GALNT10: variants seen among roughly 807,000 people sequenced by gnomAD.
GALNT10 encodes polypeptide N-acetylgalactosaminyltransferase 10, also known as GalNAc transferase 10.
GALNT10 carries 41 observed loss-of-function variants against 75.0 expected under a neutral mutation model. That is an observed-to-expected ratio of 0.55 (90% CI 0.43 to 0.71). The LOEUF (loss-of-function observed/expected upper bound fraction) is 0.71. Among genes scored for constraint, GALNT10 ranks in the 30% least tolerant of loss-of-function variants. GALNT10 has a pLI of 0.00. For synonymous variants in GALNT10, 302 were observed against 313.0 expected, an observed-to-expected ratio of 0.96 and a Z score of 0.37; for missense variants, 727 against 818.5, an observed-to-expected ratio of 0.89 and a Z score of 1.36.
chr5:154,251,772 GA>G (rs1342878715), intron 1 of GALNT10, among the ~76,000 whole-genome samples: 5 of 152,108 alleles, frequency 3.3e-5, no homozygotes, highest in African/African-American at 9.7e-5. Flanking sequence ...ATTTCTCTAA[GA>G]AACTGCTTGG....
chr5:154,235,891 C>A (rs927501941), intron 1 of GALNT10, among the ~76,000 whole-genome samples: 1 of 152,140 alleles, frequency 6.6e-6, no homozygotes, highest in Non-Finnish European at 1.5e-5. Context: ...AGGCTAAAGA[C>A]TTAGGAGGAA....
intron 4 of GALNT10, among the ~76,000 whole-genome samples, chr5:154,332,576 C>T (rs1486859613): frequency 6.6e-6 from 1 of 152,164 alleles, no homozygotes; most frequent in Non-Finnish European, 1.5e-5. Context: ...TATTCATTGT[C>T]GGTCTTCCCC....
chr5:154,338,261 C>A (rs545441849), intron 4 of GALNT10: 2 of 699,586 alleles, frequency 2.9e-6, no homozygotes, highest in East Asian at 2.6e-5. Flanking sequence ...AAACCCACAG[C>A]CCCTGGAGTG....
intron 1 of GALNT10, among the ~76,000 whole-genome samples, chr5:154,232,661 C>G (rs997308839): frequency 2.0e-5 from 3 of 152,148 alleles, no homozygotes; most frequent in Non-Finnish European, 4.4e-5. Context: ...GAATGTCCAG[C>G]CAGCAGGCTC....
rs528307779 is a variant in GALNT10, at chr5:154,408,946, C to T, written c.1165-595C>T. ...GAATGCATTCCTGGATCCAGCCCTC[C>T]GCTCTGCTTCATTCTGGGTTGATTT... On this transcript the variant is annotated intron_variant, in intron 8 of 11. Coordinates refer to ENST00000297107, the MANE Select transcript of GALNT10 (RefSeq NM_198321.4). Among the ~76,000 whole-genome samples the T allele has an allele frequency of 5.3e-5, 8 of 152,248 alleles. No homozygotes were observed. The East Asian group carries it at 9.7e-4, about 18-fold the overall frequency.
chr5:154,341,077 A>G (rs1398248081), intron 4 of GALNT10, among the ~76,000 whole-genome samples: 1 of 152,136 alleles, frequency 6.6e-6, no homozygotes, highest in African/African-American at 2.4e-5. Flanking sequence ...GAATTTTTAC[A>G]TCATTATAGA....
At chr5:154,193,035 T>A (rs1774883604) in intron 1 of GALNT10, among the ~76,000 whole-genome samples, 1 of 151,974 alleles carries the variant, frequency 6.6e-6, no homozygotes, top group Non-Finnish European at 1.5e-5. Flanking sequence ...AGCTGGGTGC[T>A]GCTCAGAGCC....
chr5:154,409,613 C>T lies in GALNT10; in HGVS notation c.1237C>T (p.Arg413Cys), dbSNP rs780452300. 1.2e-5 allele frequency: 20 copies of T among 1,613,358 alleles called. No homozygotes were observed. Among genetic ancestry groups the T allele is most frequent in the Middle Eastern group, 1.6e-4 (1 of 6,080 alleles). Residue 413 changes from arginine (R) to cysteine (C), a missense_variant, in exon 9 of 12, where the codon CGC becomes TGC. By Grantham distance (180) the Arg-to-Cys change is radical. Coordinates refer to ENST00000297107, the MANE Select transcript of GALNT10 (RefSeq NM_198321.4). This position sits in a 1 kb window ranked among gnomAD's most constrained non-coding sequence, Gnocchi z 4.5. ...EYIYQRRPEY[R>C]HLSAGDVAVQ... ...CATTTACCAGCGCCGGCCTGAATAC[C>T]GCCACCTCTCCGCTGGGGATGTCGC...
At chr5:154,350,862 G>A (rs185374211) in intron 4 of GALNT10, among the ~76,000 whole-genome samples, 11 of 152,290 alleles carry the variant, frequency 7.2e-5, no homozygotes, top group African/African-American at 1.4e-4. Flanking sequence ...GCTGTAAGCC[G>A]GTGGTTCTTA....
At chr5:154,272,402 T>C (rs13155558) in intron 1 of GALNT10, among the ~76,000 whole-genome samples, 55,392 of 152,042 alleles carry the variant, frequency 0.36, 12,100 homozygotes, top group East Asian at 0.76. Context: ...ATGGCCTTCT[T>C]TTAGGCTCAG....
At chr5:154,257,493 A>G (rs960750498) in intron 1 of GALNT10, among the ~76,000 whole-genome samples, 2 of 152,164 alleles carry the variant, frequency 1.3e-5, no homozygotes, top group Non-Finnish European at 2.9e-5. Context: ...AAAGTGGCCT[A>G]AGTGGAAAAG....
rs114692929 is a variant in GALNT10 at position 154,289,674 on chromosome 5, A to G, written c.160-5142A>G. Among the ~76,000 whole-genome samples the G allele has an allele frequency of 5.3e-3, 803 of 152,326 alleles. 4 individuals carry two copies. Among genetic ancestry groups the G allele is most frequent in the Non-Finnish European group, 9.1e-3 (616 of 68,026 alleles). Reference sequence around the variant, plus strand: ...TCTTCCAACTTTATTGTGAATTAGAATCACATGGAGAATGTGTTTTCTAAA... The same window carrying G: ...TCTTCCAACTTTATTGTGAATTAGAGTCACATGGAGAATGTGTTTTCTAAA... On this transcript the variant is annotated intron_variant, in intron 1 of 11. Coordinates refer to ENST00000297107, the MANE Select transcript of GALNT10 (RefSeq NM_198321.4).
At chr5:154,380,366 C>A in intron 5 of GALNT10, 82 bp from the exon 6 acceptor site, 1 of 1,095,460 alleles carries the variant, frequency 9.1e-7, no homozygotes, top group Non-Finnish European at 1.4e-6. Context: ...GTTAAAAATA[C>A]AAGTAAGCTG....
At chr5:154,195,728 G>GA (rs1561625013) in intron 1 of GALNT10, among the ~76,000 whole-genome samples, 1 of 152,156 alleles carries the variant, frequency 6.6e-6, no homozygotes, top group Non-Finnish European at 1.5e-5. Context: ...ATTTCACCAT[G>GA]AGAAATTTTT....
chr5:154,378,332 C>CATCATCATCATT (rs1755687697), intron 5 of GALNT10, among the ~76,000 whole-genome samples: 1 of 152,086 alleles, frequency 6.6e-6, no homozygotes, highest in Admixed American at 6.5e-5. Context: ...TCATCATCAT[C>CATCATCATCATT]ATCATCATCA....
At chr5:154,317,991 C>T (rs1473403406) in intron 3 of GALNT10, among the ~76,000 whole-genome samples, 1 of 152,232 alleles carries the variant, frequency 6.6e-6, no homozygotes, top group Non-Finnish European at 1.5e-5. Context: ...CAGAAAAGAA[C>T]TTGCGTCTTT....
rs117925322 is a variant in GALNT10, at chr5:154,409,733, G to A, written c.1357G>A (p.Val453Met). 1.7e-4 allele frequency: 279 copies of A among 1,614,004 alleles called. 2 individuals are homozygous for A. Among genetic ancestry groups the A allele is most frequent in the East Asian group, 8.9e-5 (4 of 44,886 alleles). The change falls in exon 9 of 12, where the codon GTG becomes ATG. Residue 453 changes from valine to methionine, a missense_variant. Coordinates refer to ENST00000297107, the MANE Select transcript of GALNT10 (RefSeq NM_198321.4). The surrounding 1 kb of genome is among the most constrained non-coding windows in gnomAD (Gnocchi z 4.5). Reference sequence around the variant, plus strand: ...GGACCTGCCCAAATTCTACCCACCCGTGGAGCCCCCGGCTGCAGCTTGGGG... The same window carrying A: ...GGACCTGCCCAAATTCTACCCACCCATGGAGCCCCCGGCTGCAGCTTGGGG... ...AWDLPKFYPP[V>M]EPPAAAWGEI...
chr5:154,299,431 A>C (rs1272511780), intron 3 of GALNT10, among the ~76,000 whole-genome samples: 1 of 152,228 alleles, frequency 6.6e-6, no homozygotes, highest in Admixed American at 6.5e-5. Flanking sequence ...AGATTAAGTA[A>C]TTTGCATAGG....
At chr5:154,341,932 T>G (rs1755037732) in intron 4 of GALNT10, among the ~76,000 whole-genome samples, 1 of 152,172 alleles carries the variant, frequency 6.6e-6, no homozygotes, top group African/African-American at 2.4e-5. Flanking sequence ...CATGAGCCAG[T>G]ACATTCTCTT....
Sources: gnomAD v4.1 joint callset for allele counts (sites outside exome capture counted in the v4.1 genomes callset) on GRCh38, gnomAD v4.1.1 for gene constraint, Gnocchi (gnomAD v3.1) non-coding constraint, MANE v1.5 for transcripts, NCBI Gene and HGNC (gene_info 2026-07-23, HGNC 2026-07-21) for gene names.